Variants in HNF1B observed in about 807,000 individuals in gnomAD.
The protein encoded by HNF1B is hepatocyte nuclear factor 1-beta.
A neutral mutation model predicts 61.7 loss-of-function variants in HNF1B; 8 were observed. The observed-to-expected ratio is 0.13, with a 90% CI of 0.08 to 0.23. The LOEUF is 0.23. HNF1B is among the 10% of genes least tolerant of loss of function. The pLI, the probability that HNF1B is intolerant of heterozygous loss-of-function variation, is 1.00. For synonymous variants in HNF1B, 314 were observed against 287.7 expected (o/e 1.09, Z -0.93); for missense variants, 562 against 714.5 (o/e 0.79, Z 2.43).
chr17:37,728,259 T>C (rs185412898), intron 4 of HNF1B, among the ~76,000 whole-genome samples: 10 of 151,690 alleles, frequency 6.6e-5, no homozygotes, highest in East Asian at 1.9e-4. Context: ...GCCTTGGCCT[T>C]CCAAAGTTCT....
chr17:37,726,232 T>A (rs925313116), intron 4 of HNF1B, among the ~76,000 whole-genome samples: 1 of 152,002 alleles, frequency 6.6e-6, no homozygotes, highest in Admixed American at 6.6e-5. Context: ...CAAAAAGAGA[T>A]GGACAGTGTG....
chr17:37,707,112 T>C (rs997286530), intron 5 of HNF1B, among the ~76,000 whole-genome samples: 28 of 129,092 alleles, frequency 2.2e-4, no homozygotes, highest in Non-Finnish European at 4.5e-4. Flanking sequence ...CAACTATTAT[T>C]TTTAATTTTT....
rs530832247 is a variant in HNF1B at position 37,713,674 on chromosome 17, C to G, written c.1046-3011G>C. On this transcript the variant is annotated intron_variant, in intron 4 of 8. Coordinates refer to ENST00000617811, the MANE Select transcript of HNF1B (RefSeq NM_000458.4). The stretch of plus-strand genomic sequence containing the variant: ...CTCTGCTATCAATTTCTTGGGTGAG[C>G]ACCAGCTTCCTCATCTATAAGCCAG... Among the ~76,000 whole-genome samples the G allele has an allele frequency of 6.6e-4, 101 of 152,298 alleles. 1 individual carries two copies. Among genetic ancestry groups the G allele is most frequent in the African/African-American group, 2.2e-3 (93 of 41,556 alleles).
chr17:37,696,232 C>T (rs2032380631), intron 8 of HNF1B, among the ~76,000 whole-genome samples: 2 of 151,976 alleles, frequency 1.3e-5, no homozygotes, highest in Admixed American at 6.6e-5. Flanking sequence ...TTCACTTGAG[C>T]GCAGGAGTTT....
intron 2 of HNF1B, 132 bp from the exon 3 acceptor site, chr17:37,733,953 C>A: frequency 9.2e-7 from 1 of 1,084,396 alleles, no homozygotes. Flanking sequence ...CCTTCTCTCA[C>A]TGCATGTGGA....
intron 3 of HNF1B, among the ~76,000 whole-genome samples, chr17:37,732,855 T>G (rs1396668671): frequency 6.6e-6 from 1 of 151,810 alleles, no homozygotes; most frequent in Non-Finnish European, 1.5e-5. Flanking sequence ...TTTTGTTTTT[T>G]TTTTAAATAG....
At chr17:37,701,273 C>T in intron 6 of HNF1B, 96 bp from the exon 7 acceptor site, 2 of 1,189,244 alleles carry the variant, frequency 1.7e-6, no homozygotes, top group Non-Finnish European at 2.4e-6. Context: ...GTCCCAGTCA[C>T]CGGGCTGAGC....
At chr17:37,728,562 T>A (rs1197030672) in intron 4 of HNF1B, 7 of 149,974 alleles carry the variant, frequency 4.7e-5, no homozygotes, top group African/African-American at 1.7e-4. Flanking sequence ...CGCCTCGGCC[T>A]CCCAAAGTGC....
rs2034110308 is a variant in HNF1B at position 37,744,579 on chromosome 17, C to T, written c.306G>A (p.Glu102=). The T allele has an allele frequency of 6.2e-7, 1 of 1,606,618 alleles. No individual in the cohort carries two copies. Among genetic ancestry groups the T allele is most frequent in the Non-Finnish European group, 8.5e-7 (1 of 1,179,938 alleles). ...LKELQALNTE[E]AAEQRAEVDR... is the part of the protein sequence containing the mutation. ...CCACCTCCGCCCGCTGCTCCGCCGC[C>T]TCCTCGGTGTTGAGCGCCTGCAGCT... Residue 102 remains glutamate (E), a synonymous_variant, in exon 1 of 9, where the codon GAG becomes GAA. Transcript: ENST00000617811.
intron 4 of HNF1B, among the ~76,000 whole-genome samples, chr17:37,714,897 C>T (rs3094505): frequency 0.11 from 17,263 of 152,050 alleles, 1,261 homozygotes; most frequent in Non-Finnish European, 0.16. Context: ...TGCTTGGAAA[C>T]ATCTGATGGC....
chr17:37,694,996 C>T (rs990403104), intron 8 of HNF1B, among the ~76,000 whole-genome samples: 1 of 152,196 alleles, frequency 6.6e-6, no homozygotes, highest in African/African-American at 2.4e-5. Context: ...CAACAGCTTG[C>T]TAGAGAGATT....
At chr17:37,742,380 C>T (rs2034019582) in intron 1 of HNF1B, among the ~76,000 whole-genome samples, 1 of 152,196 alleles carries the variant, frequency 6.6e-6, no homozygotes, top group African/African-American at 2.4e-5. Context: ...AGGAGGTTTA[C>T]TAGAACTCCG....
intron 4 of HNF1B, among the ~76,000 whole-genome samples, chr17:37,722,468 G>T (rs1024373225): frequency 1.3e-5 from 2 of 152,166 alleles, no homozygotes; most frequent in Non-Finnish European, 2.9e-5. Flanking sequence ...CCTGATTTGG[G>T]TGCTATACTG....
intron 6 of HNF1B, 73 bp from the exon 7 acceptor site, chr17:37,701,250 G>GCCC: frequency 7.0e-7 from 1 of 1,429,082 alleles, no homozygotes; most frequent in Non-Finnish European, 9.6e-7. Flanking sequence ...CATCATTTGA[G>GCCC]CCCCCGCTCA....
chr17:37,717,885 G>A (rs1419083240), intron 4 of HNF1B, among the ~76,000 whole-genome samples: 1 of 152,218 alleles, frequency 6.6e-6, no homozygotes, highest in African/African-American at 2.4e-5. Context: ...TTTGCAAAGA[G>A]TTTAGAAGAT....
At chr17:37,704,739 G>A (rs969722085) in intron 6 of HNF1B, among the ~76,000 whole-genome samples, 178 bp downstream of exon 6, 4 of 152,098 alleles carry the variant, frequency 2.6e-5, no homozygotes, top group Admixed American at 2.6e-4. Flanking sequence ...TCTTGTTTTA[G>A]GCTAAACAAT....
chr17:37,736,688 C>T (rs546130989), intron 2 of HNF1B, among the ~76,000 whole-genome samples: 2 of 152,350 alleles, frequency 1.3e-5, no homozygotes, highest in East Asian at 3.9e-4. Context: ...GTGTGAGACA[C>T]TCTCGCAGCT....
intron 6 of HNF1B, among the ~76,000 whole-genome samples, chr17:37,702,596 T>C (rs915951724): frequency 6.6e-6 from 1 of 152,222 alleles, no homozygotes; most frequent in Non-Finnish European, 1.5e-5. Flanking sequence ...TGTGCCGTTT[T>C]TGAGAAATCT....
intron 7 of HNF1B, 40 bp from the exon 8 acceptor site, chr17:37,699,234 C>A (rs1272126068): frequency 2.7e-6 from 4 of 1,482,136 alleles, no homozygotes; most frequent in Non-Finnish European, 3.8e-6. Context: ...GGTGCATACA[C>A]AGGCAAAGAC....
Sources: gnomAD v4.1 joint callset for allele counts (sites outside exome capture counted in the v4.1 genomes callset) on GRCh38, gnomAD v4.1.1 for gene constraint, MANE v1.5 for transcripts, NCBI Gene and HGNC (gene_info 2026-07-23, HGNC 2026-07-21) for gene names.